TBXAS1: variants seen among roughly 807,000 people sequenced by gnomAD.
The protein encoded by TBXAS1 is thromboxane-A synthase.
Under a neutral mutation model 60.7 loss-of-function variants are expected in TBXAS1, and 48 were observed. That is an observed-to-expected ratio of 0.79 (90% CI 0.63 to 1.01). The LOEUF is 1.01. TBXAS1 is among the 50% of genes least tolerant of loss of function. The probability of loss-of-function intolerance (pLI) is 0.00; values close to 1 mark genes in which losing one functional copy is unlikely to be tolerated. For synonymous variants in TBXAS1, 287 were observed against 269.7 expected (o/e 1.06, Z -0.63); for missense variants, 685 against 686.3 (o/e 1.00, Z 0.02).
chr7:139,796,202 G>A (rs1321910870), intron 4 of TBXAS1, among the ~76,000 whole-genome samples: 2 of 152,000 alleles, frequency 1.3e-5, no homozygotes, highest in Non-Finnish European at 2.9e-5. Context: ...GAATTTTTTG[G>A]TATCCTCATA....
intron 4 of TBXAS1, among the ~76,000 whole-genome samples, chr7:139,794,005 A>T (rs1052813914): frequency 6.6e-6 from 1 of 152,196 alleles, no homozygotes; most frequent in Admixed American, 6.5e-5. Context: ...TGCATTTCTT[A>T]AAGAAAATGC....
chr7:139,882,952 C>CT (rs1321640756), intron 3 of TBXAS1, among the ~76,000 whole-genome samples: 3 of 152,094 alleles, frequency 2.0e-5, no homozygotes, highest in African/African-American at 7.2e-5. Flanking sequence ...GTAAGAGCAC[C>CT]TTTTTTAAAT....
At chr7:139,946,940 C>G (rs1462283457) in intron 5 of TBXAS1, among the ~76,000 whole-genome samples, 1 of 152,186 alleles carries the variant, frequency 6.6e-6, no homozygotes, top group Non-Finnish European at 1.5e-5. Context: ...AGGTCGGAAT[C>G]TTACACTCAA....
At position 139,898,413 on chromosome 7, in the gene TBXAS1, C is replaced by CTTTTTTTTTTTTTT. The variant is rs71170921; in HGVS notation, c.237-12793_237-12780dup. On this transcript the variant is annotated intron_variant, in intron 3 of 12. Coordinates refer to ENST00000448866, the MANE Select transcript of TBXAS1 (RefSeq NM_001061.7). Reference sequence around the variant, plus strand: ...ATCAGAAGTTTCCCAACGTGCATGGCTTTTTTTTTTTTTTTTTTTTTTTTT... The same window carrying CTTTTTTTTTTTTTT: ...ATCAGAAGTTTCCCAACGTGCATGGCTTTTTTTTTTTTTTTTTTTTTTTTTTTTTTTTTTTTTTT... Among the ~76,000 whole-genome samples, 16 of 82,250 alleles carry CTTTTTTTTTTTTTT rather than the reference C, an allele frequency of 1.9e-4. 2 individuals are homozygous for CTTTTTTTTTTTTTT. The highest frequency in any genetic ancestry group is 6.8e-4 in the African/African-American group (14 of 20,490). 54.0% of individuals were successfully genotyped at this position (82,250 alleles called of 152,430 possible).
chr7:139,981,170 C>A (rs2299896), intron 9 of TBXAS1, among the ~76,000 whole-genome samples: 1 of 152,036 alleles, frequency 6.6e-6, no homozygotes, highest in African/African-American at 2.4e-5. Context: ...TGCAGTGGCG[C>A]GATCTCGGCT....
intron 1 of TBXAS1, among the ~76,000 whole-genome samples, chr7:139,838,637 G>C (rs925200107): frequency 1.3e-5 from 2 of 152,116 alleles, no homozygotes; most frequent in Non-Finnish European, 2.9e-5. Flanking sequence ...AGGTGTATGC[G>C]TGAATTTGGA....
chr7:140,017,569 G>C, intron 11 of TBXAS1, 102 bp from the exon 12 acceptor site: 1 of 1,500,646 alleles, frequency 6.7e-7, no homozygotes, highest in South Asian at 1.2e-5. Flanking sequence ...GAGCCTTGGA[G>C]ACATCCTTGT....
intron 3 of TBXAS1, among the ~76,000 whole-genome samples, chr7:139,893,715 CTTAA>C (rs1569509488): frequency 2.0e-5 from 3 of 152,352 alleles, no homozygotes; most frequent in Non-Finnish European, 4.4e-5. Flanking sequence ...CAATACATCT[CTTAA>C]TTACTCTTTT....
chr7:139,885,742 G>A (rs371537310), intron 3 of TBXAS1, among the ~76,000 whole-genome samples: 8 of 152,322 alleles, frequency 5.3e-5, no homozygotes, highest in African/African-American at 1.9e-4. Flanking sequence ...TATTTTGTGA[G>A]CAGAGGAACT....
intron 4 of TBXAS1, among the ~76,000 whole-genome samples, chr7:139,919,007 T>C (rs1175006619): frequency 2.6e-5 from 4 of 152,192 alleles, no homozygotes; most frequent in African/African-American, 9.6e-5. Flanking sequence ...CTATTTTTAG[T>C]AAAAGGGACA....
At chr7:139,872,815 A>T (rs1365811981) in intron 2 of TBXAS1, among the ~76,000 whole-genome samples, 1 of 152,122 alleles carries the variant, frequency 6.6e-6, no homozygotes, top group African/African-American at 2.4e-5. Flanking sequence ...TTGTTATGTG[A>T]TGGCAAGAAT....
At chr7:139,806,245 A>ATTTTATTTTATTTTC (rs1797874091) in intron 4 of TBXAS1, among the ~76,000 whole-genome samples, 1 of 127,550 alleles carries the variant, frequency 7.8e-6, no homozygotes. Context: ...GGCCTATGTT[A>ATTTTATTTTATTTTC]TTTTATTTTA....
In TBXAS1 at chr7:139,778,441, C is replaced by G. The variant is rs1354445313; in HGVS notation, c.-348C>G. The G allele has an allele frequency of 6.5e-6, 1 of 153,130 alleles. No homozygotes were observed. The highest frequency in any genetic ancestry group is 1.5e-5 in the Non-Finnish European group (1 of 68,246). 9.5% of individuals were successfully genotyped at this position (153,130 alleles called of 1,614,324 possible). A position where few individuals can be genotyped will look rare whatever the true frequency, so the allele number is the denominator to read the frequency against. On this transcript the variant is annotated 5_prime_UTR_variant, in exon 1 of 17. Coordinates refer to the TBXAS1 transcript ENST00000336425. This position sits in a 1 kb window ranked among gnomAD's most constrained non-coding sequence, Gnocchi z 4.8. ...AGCCCCACGCTGGCAAAGTGGCTCG[C>G]CCATCTCACAGCCGGTTGGCGCTCG... is the stretch of plus-strand genomic sequence containing the variant.
intron 3 of TBXAS1, among the ~76,000 whole-genome samples, chr7:139,900,407 C>T (rs2116986553): frequency 6.6e-6 from 1 of 152,294 alleles, no homozygotes; most frequent in African/African-American, 2.4e-5. Flanking sequence ...CTCCAGGACC[C>T]ATGCCACCTC....
At chr7:139,783,369 A>C (rs1448507091) in intron 3 of TBXAS1, among the ~76,000 whole-genome samples, 1 of 150,252 alleles carries the variant, frequency 6.7e-6, no homozygotes, top group Admixed American at 6.6e-5. Context: ...AAAAAAATGC[A>C]ATCAGCCTAT....
chr7:139,981,433 A>G (rs1569521991), intron 9 of TBXAS1, among the ~76,000 whole-genome samples: 1 of 152,218 alleles, frequency 6.6e-6, no homozygotes, highest in South Asian at 2.1e-4. Context: ...TCTGAATATT[A>G]AACTAGCTGA....
chr7:139,936,076 C>T lies in TBXAS1; in HGVS notation c.334-115C>T. 9 of 923,154 alleles carry T rather than the reference C, an allele frequency of 9.7e-6. No homozygotes were observed. In the South Asian group the frequency reaches 1.2e-4, roughly 12 times the overall value. The allele number at this position is 923,154 out of a possible 1,614,324, so 57.2% of individuals were successfully genotyped here. A position where few individuals can be genotyped will look rare whatever the true frequency, so the allele number is the denominator to read the frequency against. On this transcript the variant is annotated intron_variant, in intron 4 of 12. Coordinates refer to ENST00000448866, the MANE Select transcript of TBXAS1 (RefSeq NM_001061.7). ...TCTCTCTCCTTGCAAGAGAAACCTC[C>T]TAACTTGTTGGCCACTGATGGACTT... is the stretch of plus-strand genomic sequence containing the variant.
intron 4 of TBXAS1, among the ~76,000 whole-genome samples, chr7:139,821,480 T>C (rs757427984): frequency 6.6e-6 from 1 of 152,242 alleles, no homozygotes; most frequent in Non-Finnish European, 1.5e-5. Context: ...ATATGGTCCC[T>C]GCCCTCAAGA....
rs561962249 is a variant in TBXAS1, at chr7:139,860,928, C to T, written c.90-11307C>T. On this transcript the variant is annotated intron_variant, in intron 1 of 12. Coordinates refer to ENST00000448866, the MANE Select transcript of TBXAS1 (RefSeq NM_001061.7). ...GTGGCTCATGCCTGTAATCCCGGCACTTTGGGAGGCTGAGGTGGGCGGATC... is the reference window on the plus strand; with the variant it reads ...GTGGCTCATGCCTGTAATCCCGGCATTTTGGGAGGCTGAGGTGGGCGGATC... Among the ~76,000 whole-genome samples the T allele has an allele frequency of 7.9e-5, 12 of 152,268 alleles. No homozygotes were observed. The East Asian group carries it at 2.1e-3, about 27-fold the overall frequency.
Sources: gnomAD v4.1 joint callset for allele counts (sites outside exome capture counted in the v4.1 genomes callset) on GRCh38, gnomAD v4.1.1 for gene constraint, Gnocchi (gnomAD v3.1) non-coding constraint, MANE v1.5 for transcripts, NCBI Gene and HGNC (gene_info 2026-07-23, HGNC 2026-07-21) for gene names.